SP100: variants seen among roughly 807,000 people sequenced by gnomAD.
SP100 encodes the protein SP100 nuclear body protein.
SP100 carries 84 observed loss-of-function variants against 130.0 expected under a neutral mutation model. That is an observed-to-expected ratio of 0.65 (90% confidence interval 0.54 to 0.77). The LOEUF is 0.77. SP100 is among the 30% of genes least tolerant of loss of function. The pLI, the probability that SP100 is intolerant of heterozygous loss-of-function variation, is 0.00. For missense variants in SP100, 978 were observed against 1,052.2 expected (o/e 0.93, Z 0.97); for synonymous variants, 331 against 351.7 (o/e 0.94, Z 0.66).
chr2:230,473,102 C>T (rs537020030), intron 15 of SP100: 1 of 416,268 alleles, frequency 2.4e-6, no homozygotes, highest in Admixed American at 3.8e-5. Flanking sequence ...ATCACTGAAA[C>T]AAACTATTAA....
At chr2:230,488,380 G>A (rs1382083080) in intron 17 of SP100, among the ~76,000 whole-genome samples, 3 of 152,074 alleles carry the variant, frequency 2.0e-5, no homozygotes, top group Non-Finnish European at 4.4e-5. Flanking sequence ...AGTTTATTGA[G>A]AGTTTTTTTT....
intron 27 of SP100, among the ~76,000 whole-genome samples, 181 bp from the exon 28 acceptor site, chr2:230,541,711 A>G (rs1233042188): frequency 6.6e-6 from 1 of 152,114 alleles, no homozygotes; most frequent in African/African-American, 2.4e-5. Context: ...CCCTAATCCT[A>G]TTCATGAGGG....
At chr2:230,533,778 T>C (rs923727532) in intron 24 of SP100, among the ~76,000 whole-genome samples, 5 of 152,188 alleles carry the variant, frequency 3.3e-5, no homozygotes, top group African/African-American at 1.2e-4. Context: ...TCTAGGCCCA[T>C]GTGTCAGAAT....
intron 19 of SP100, among the ~76,000 whole-genome samples, chr2:230,501,569 T>C (rs2067024880): frequency 6.6e-6 from 1 of 152,198 alleles, no homozygotes; most frequent in Non-Finnish European, 1.5e-5. Flanking sequence ...AAGGTTTCTT[T>C]ATGCTAGATT....
chr2:230,427,031 C>T (rs992380523), intron 2 of SP100, among the ~76,000 whole-genome samples: 1 of 152,076 alleles, frequency 6.6e-6, no homozygotes, highest in Non-Finnish European at 1.5e-5. Context: ...CCATTTTTTA[C>T]TTAATGTATA....
intron 17 of SP100, among the ~76,000 whole-genome samples, chr2:230,477,730 A>T (rs1029716346): frequency 1.3e-5 from 2 of 152,154 alleles, no homozygotes; most frequent in African/African-American, 4.8e-5. Flanking sequence ...GCTCAAGAAG[A>T]TCTCTCCCAA....
chr2:230,454,261 AT>A (rs990061501), intron 8 of SP100, among the ~76,000 whole-genome samples: 15 of 150,622 alleles, frequency 1.0e-4, no homozygotes, highest in African/African-American at 3.2e-4. Context: ...TGTTGATCTC[AT>A]TTTTTTCTAG....
intron 13 of SP100, among the ~76,000 whole-genome samples, chr2:230,468,627 A>T (rs1381784145): frequency 6.6e-6 from 1 of 152,120 alleles, no homozygotes; most frequent in African/African-American, 2.4e-5. Context: ...AGCCTAGGCA[A>T]CATGGCAAAA....
intron 2 of SP100, among the ~76,000 whole-genome samples, chr2:230,431,446 T>A (rs561507854): frequency 6.6e-6 from 1 of 152,308 alleles, no homozygotes; most frequent in East Asian, 1.9e-4. Context: ...TCTTACCCCT[T>A]CTAATGTGGT....
chr2:230,481,476 AC>A (rs1335860009), intron 17 of SP100, among the ~76,000 whole-genome samples: 1 of 152,090 alleles, frequency 6.6e-6, no homozygotes, highest in African/African-American at 2.4e-5. Context: ...AAGTTCCAAG[AC>A]TATATATCAG....
intron 17 of SP100, among the ~76,000 whole-genome samples, chr2:230,475,127 T>C (rs562336999): frequency 1.3e-5 from 2 of 152,266 alleles, no homozygotes; most frequent in Admixed American, 6.5e-5. Flanking sequence ...TCTTCCACAA[T>C]GGTTGAACTA....
intron 25 of SP100, among the ~76,000 whole-genome samples, chr2:230,539,890 G>A (rs1378316910): frequency 6.6e-6 from 1 of 152,132 alleles, no homozygotes; most frequent in African/African-American, 2.4e-5. Flanking sequence ...TGGTGTGCAG[G>A]ATACCACGGA....
intron 2 of SP100, among the ~76,000 whole-genome samples, chr2:230,429,247 A>G (rs999386544): frequency 1.3e-5 from 2 of 152,168 alleles, no homozygotes; most frequent in Non-Finnish European, 2.9e-5. Flanking sequence ...TAGAGTTTCT[A>G]TTCTTTCAGC....
At chr2:230,431,293 C>T (rs2063092096) in intron 2 of SP100, among the ~76,000 whole-genome samples, 1 of 152,242 alleles carries the variant, frequency 6.6e-6, no homozygotes, top group Non-Finnish European at 1.5e-5. Context: ...TCCTAAGAAG[C>T]AGCCCAGAAT....
intron 2 of SP100, among the ~76,000 whole-genome samples, chr2:230,426,899 T>G (rs2062948645): frequency 6.6e-6 from 1 of 152,224 alleles, no homozygotes; most frequent in African/African-American, 2.4e-5. Context: ...TCAGTTCTGT[T>G]AGTATTTGCT....
At chr2:230,421,431 C>G (rs1182846644) in intron 2 of SP100, among the ~76,000 whole-genome samples, 1 of 151,858 alleles carries the variant, frequency 6.6e-6, no homozygotes, top group African/African-American at 2.4e-5. Flanking sequence ...ATACCTCTTT[C>G]TTGCTTTACT....
chr2:230,522,245 T>C (rs1293067276), intron 24 of SP100, among the ~76,000 whole-genome samples: 2 of 152,082 alleles, frequency 1.3e-5, no homozygotes, highest in Non-Finnish European at 2.9e-5. Flanking sequence ...GATCATTGTG[T>C]TTTGGTGATT....
In SP100 at chr2:230,440,476, G is replaced by T. The variant is rs73095038; in HGVS notation, c.108-2461G>T. On this transcript the variant is annotated intron_variant, in intron 2 of 28. Coordinates refer to ENST00000340126, the MANE Select transcript of SP100 (RefSeq NM_001080391.2). ...TAAATTAAATTTTTTATTTCAATAG[G>T]TTTTTGGAGAGGAATAAATTTAATG... is the stretch of plus-strand genomic sequence containing the variant. The T allele has an allele frequency of 0.11, 129,286 of 1,158,546 alleles. 7,701 individuals carry two copies. The highest frequency in any genetic ancestry group is 0.2 in the Middle Eastern group (650 of 3,294). The allele number at this position is 1,158,546 out of a possible 1,614,324, so 71.8% of individuals were successfully genotyped here. A position where few individuals can be genotyped will look rare whatever the true frequency, so the allele number is the denominator to read the frequency against.
At chr2:230,433,973 T>G (rs563616965) in intron 2 of SP100, among the ~76,000 whole-genome samples, 1 of 150,864 alleles carries the variant, frequency 6.6e-6, no homozygotes, top group South Asian at 2.2e-4. Flanking sequence ...TTTACTGTAT[T>G]ATTTCTTTTC....
Sources: allele counts gnomAD v4.1 joint callset (sites outside exome capture counted in the v4.1 genomes callset), GRCh38; gene constraint gnomAD v4.1.1; transcripts MANE v1.5; gene names NCBI Gene and HGNC (gene_info 2026-07-23, HGNC 2026-07-21).